SLC26A11: variants seen among roughly 807,000 people sequenced by gnomAD.
SLC26A11 encodes the protein solute carrier family 26 member 11.
A neutral mutation model predicts 62.2 loss-of-function variants in SLC26A11; 58 were observed. The ratio of observed to expected loss-of-function variants is 0.93; its 90% CI spans 0.76 to 1.16. The LOEUF is 1.16. SLC26A11 is among the 50% of genes most tolerant of loss of function. The probability of loss-of-function intolerance (pLI) is 0.00; values close to 1 mark genes in which losing one functional copy is unlikely to be tolerated. For missense variants in SLC26A11, 790 were observed against 794.3 expected (o/e 0.99, Z 0.06); for synonymous variants, 411 against 368.9 (o/e 1.11, Z -1.31).
At chr17:80,221,372 T>C (rs2042181183) in intron 2 of SLC26A11, 176 bp from the exon 3 acceptor site, 3 of 548,316 alleles carry the variant, frequency 5.5e-6, no homozygotes, top group Non-Finnish European at 9.6e-6. Context: ...GGCCTTCCAG[T>C]CTTGGCCCAG....
chr17:80,252,687 G>A lies in SLC26A11; in HGVS notation c.1792G>A (p.Asp598Asn). 1 of 1,613,958 alleles carries A rather than the reference G, an allele frequency of 6.2e-7. No homozygotes were observed. The highest frequency in any genetic ancestry group is 1.3e-5 in the African/African-American group (1 of 75,062). Residue 598 changes from aspartate (D) to asparagine (N), a missense_variant, in exon 18 of 18, where the codon GAC becomes AAC. Asp to Asn is a conservative substitution (Grantham distance 23, BLOSUM62 1). Transcript: ENST00000361193. This position sits in a 1 kb window ranked among gnomAD's most constrained non-coding sequence, Gnocchi z 5.2. ...PYNIREDSILDQKVALLKA is the reference protein window; with the variant it reads ...PYNIREDSILNQKVALLKA ...CAACATCAGAGAAGACTCCATTCTG[G>A]ACCAAAAGGTTGCCCTGCTCAAGGC...
chr17:80,233,154 T>G (rs974863538), intron 7 of SLC26A11, among the ~76,000 whole-genome samples: 7 of 148,620 alleles, frequency 4.7e-5, no homozygotes, highest in African/African-American at 1.7e-4. Flanking sequence ...GAGGCTGAGG[T>G]GGGAGGATTG....
intron 3 of SLC26A11, 113 bp downstream of exon 3, chr17:80,221,907 A>G (rs1421150646): frequency 1.7e-6 from 2 of 1,157,128 alleles, no homozygotes; most frequent in African/African-American, 1.6e-5. Context: ...GCCCCAAGGA[A>G]CCTTTGGTTT....
chr17:80,235,438 C>G (rs560550703), intron 7 of SLC26A11, among the ~76,000 whole-genome samples: 5 of 152,160 alleles, frequency 3.3e-5, no homozygotes, highest in African/African-American at 1.2e-4. Flanking sequence ...TTCACTATAG[C>G]CTCAACCTCC....
At chr17:80,225,970 C>T in intron 6 of SLC26A11, 54 bp downstream of exon 6, 1 of 1,518,568 alleles carries the variant, frequency 6.6e-7, no homozygotes, top group Non-Finnish European at 9.1e-7. Context: ...TTCCACACCT[C>T]CTCTCCCGGC....
Position 80,222,702 on chromosome 17 carries a change from G to T in SLC26A11, c.282G>T (p.Leu94=). The T allele has an allele frequency of 6.2e-7, 1 of 1,614,002 alleles. No individual in the cohort carries two copies. The highest frequency in any genetic ancestry group is 8.5e-7 in the Non-Finnish European group (1 of 1,180,016). Residue 94 remains leucine (L), a synonymous_variant, in exon 4 of 18, where the codon CTG becomes CTT. Coordinates refer to ENST00000361193, the MANE Select transcript of SLC26A11 (RefSeq NM_001166347.2). The surrounding 1 kb of genome is among the most constrained non-coding windows in gnomAD (Gnocchi z 4.7). The stretch of plus-strand genomic sequence containing the variant: ...TGGGCTGCTTCGTGTATTTCTTCCT[G>T]GGCACCTCCCGGGATGTGACTCTGG... ...AFMGCFVYFF[L]GTSRDVTLGP...
chr17:80,228,534 G>T lies in SLC26A11; in HGVS notation c.736+574G>T, dbSNP rs1290078896. 2.0e-5 allele frequency among the ~76,000 whole-genome samples: 3 copies of T among 152,194 alleles called. No homozygotes were observed. The East Asian group carries it at 5.8e-4, about 29-fold the overall frequency. On this transcript the variant is annotated intron_variant, in intron 7 of 17. Transcript: ENST00000361193. This position sits in a 1 kb window ranked among gnomAD's most constrained non-coding sequence, Gnocchi z 4.1. ...GGCCAGCTGTGGCCGTTCTCAACCT[G>T]AAGCAGTTTTGCCCCCTGGTGACAC...
Position 80,222,816 on chromosome 17 carries a change from C to T in SLC26A11, c.396C>T (p.Cys132=). 2 of 1,614,198 alleles carry T rather than the reference C, an allele frequency of 1.2e-6. No homozygotes were observed. Among genetic ancestry groups the T allele is most frequent in the Non-Finnish European group, 1.7e-6 (2 of 1,180,036 alleles). The part of the protein sequence containing the change: ...YAVLLAFLSG[C]IQLAMGVLRL... ...TGCTGCTGGCCTTCCTGTCCGGCTG[C>T]ATCCAGCTGGCCATGGGGGTCCTGC... The change falls in exon 4 of 18, where the codon TGC becomes TGT. Residue 132 remains cysteine, a synonymous_variant. Transcript: ENST00000361193. This position sits in a 1 kb window ranked among gnomAD's most constrained non-coding sequence, Gnocchi z 4.7.
At chr17:80,249,119 G>A (rs1490792655) in intron 15 of SLC26A11, 35 bp from the exon 16 acceptor site, 1 of 1,594,170 alleles carries the variant, frequency 6.3e-7, no homozygotes, top group Non-Finnish European at 8.5e-7. Flanking sequence ...GGGCTGCTCT[G>A]GGTGGCGTGA....
At chr17:80,236,907 G>A (rs759673727) in intron 7 of SLC26A11, 21 bp from the exon 8 acceptor site, 22 of 1,595,496 alleles carry the variant, frequency 1.4e-5, no homozygotes, top group South Asian at 9.9e-5. Flanking sequence ...GGTCTCGGAC[G>A]CACCTCTCCT....
At chr17:80,251,702 G>A (rs891414733) in intron 17 of SLC26A11, among the ~76,000 whole-genome samples, 1 of 151,262 alleles carries the variant, frequency 6.6e-6, no homozygotes, top group Non-Finnish European at 1.5e-5. Flanking sequence ...GGCAGAGGTT[G>A]TACTGAGCCG....
At position 80,220,435 on chromosome 17, in the gene SLC26A11, G is replaced by A. The variant is rs975783832; in HGVS notation, c.-275G>A. The A allele has an allele frequency of 2.1e-4, 203 of 952,946 alleles. 1 individual carries two copies. Among genetic ancestry groups the A allele is most frequent in the Admixed American group, 7.6e-4 (18 of 23,716 alleles). The allele number at this position is 952,946 out of a possible 1,614,324, so 59.0% of individuals were successfully genotyped here. A position where few individuals can be genotyped will look rare whatever the true frequency, so the allele number is the denominator to read the frequency against. On this transcript the variant is annotated 5_prime_UTR_variant, in exon 1 of 18. Coordinates refer to ENST00000361193, the MANE Select transcript of SLC26A11 (RefSeq NM_001166347.2). ...CCAGACCCCGCCCCGGCCTGTCCCC[G>A]GCGATTCCTGCGGACCCAGCTGCGG...
At chr17:80,248,400 C>T in intron 14 of SLC26A11, 143 bp downstream of exon 14, 1 of 1,329,154 alleles carries the variant, frequency 7.5e-7, no homozygotes, top group Non-Finnish European at 1.0e-6. Context: ...AGTCACCTTG[C>T]TATAAACCAT....
intron 5 of SLC26A11, 137 bp from the exon 6 acceptor site, chr17:80,225,700 A>T: frequency 1.3e-6 from 1 of 758,446 alleles, no homozygotes. Flanking sequence ...AGCCCCTAAG[A>T]TGGGCCCCGG....
chr17:80,237,553 T>G lies in SLC26A11; in HGVS notation c.944T>G (p.Leu315Arg). 2 of 1,611,992 alleles carry G rather than the reference T, an allele frequency of 1.2e-6. No individual in the cohort carries two copies. The highest frequency in any genetic ancestry group is 1.7e-6 in the Non-Finnish European group (2 of 1,179,236). Residue 315 changes from leucine (L) to arginine (R), a missense_variant, in exon 9 of 18, where the codon CTG becomes CGG. Coordinates refer to ENST00000361193, the MANE Select transcript of SLC26A11 (RefSeq NM_001166347.2). ...DMGAGLAVVP[L>R]MGLLESIAVA... ...GGAGCCGGGCTGGCCGTGGTGCCCC[T>G]GATGGGCCTCCTGGAGAGCATTGCG...
rs759183117 is a variant in SLC26A11 at position 80,221,534 on chromosome 17, C to T, written c.-13-14C>T. The T allele has an allele frequency of 3.6e-5, 55 of 1,523,534 alleles. 1 individual carries two copies. The South Asian group carries it at 6.6e-4, about 18-fold the overall frequency. 94.4% of individuals were successfully genotyped at this position (1,523,534 alleles called of 1,614,324 possible). A position where few individuals can be genotyped will look rare whatever the true frequency, so the allele number is the denominator to read the frequency against. ...ACGCTCTGACTGCTGGTCTGTGTCACCTGCACCCCCCAGCCCCACCGTAGA... is the reference window on the plus strand; with the variant it reads ...ACGCTCTGACTGCTGGTCTGTGTCATCTGCACCCCCCAGCCCCACCGTAGA... On this transcript the variant is annotated splice_polypyrimidine_tract_variant and intron_variant, in intron 2 of 17. Coordinates refer to ENST00000361193, the MANE Select transcript of SLC26A11 (RefSeq NM_001166347.2).
intron 9 of SLC26A11, among the ~76,000 whole-genome samples, chr17:80,240,181 C>T (rs982977960): frequency 6.6e-6 from 1 of 152,030 alleles, no homozygotes; most frequent in African/African-American, 2.4e-5. Flanking sequence ...TCCTGGCTAA[C>T]ACAGTGAAAC....
chr17:80,246,494 TC>T lies in SLC26A11; in HGVS notation c.1154-12del, dbSNP rs777551332. On this transcript the variant is annotated splice_polypyrimidine_tract_variant and intron_variant, in intron 12 of 17. Coordinates refer to ENST00000361193, the MANE Select transcript of SLC26A11 (RefSeq NM_001166347.2). This position sits in a 1 kb window ranked among gnomAD's most constrained non-coding sequence, Gnocchi z 4.4. ...CCTGCACTCCCGAGGTCACCTGTGTTCCCGTGCCCCGCAGGAGTGCTGGTGC... is the reference window on the plus strand; with the variant it reads ...CCTGCACTCCCGAGGTCACCTGTGTTCCGTGCCCCGCAGGAGTGCTGGTGC... 1 of 1,608,356 alleles carries T rather than the reference TC, an allele frequency of 6.2e-7. No homozygotes were observed.
In SLC26A11 at chr17:80,227,888, G is replaced by C; in HGVS notation, c.664G>C (p.Val222Leu). 4 of 1,602,060 alleles carry C rather than the reference G, an allele frequency of 2.5e-6. No individual in the cohort carries two copies. The highest frequency in any genetic ancestry group is 3.4e-6 in the Non-Finnish European group (4 of 1,179,838). The change falls in exon 7 of 18, where the codon GTG (valine) becomes CTG (leucine). Residue 222 changes from valine to leucine, a missense_variant. Transcript: ENST00000361193. ...GGTGCTGAAGCTGATGCGGGACCAC[G>C]TGCCTCCCGTCCACCCCGAGATGCC... ...LLVLKLMRDHVPPVHPEMPPG... is the reference protein window; with the variant it reads ...LLVLKLMRDHLPPVHPEMPPG...
Sources: gnomAD v4.1 joint callset for allele counts (sites outside exome capture counted in the v4.1 genomes callset) on GRCh38, gnomAD v4.1.1 for gene constraint, Gnocchi (gnomAD v3.1) non-coding constraint, MANE v1.5 for transcripts, NCBI Gene and HGNC (gene_info 2026-07-23, HGNC 2026-07-21) for gene names.